Variants in ARIH1 observed in about 807,000 individuals in gnomAD.
ARIH1 encodes E3 ubiquitin-protein ligase ARIH1.
Under a neutral mutation model 85.0 loss-of-function variants are expected in ARIH1, and 8 were observed. That is an observed-to-expected ratio of 0.09 (90% CI 0.06 to 0.17). ARIH1 has a LOEUF of 0.17. Among genes scored for constraint, ARIH1 ranks in the 10% least tolerant of loss-of-function variants. The probability of loss-of-function intolerance (pLI) is 1.00; values close to 1 mark genes in which losing one functional copy is unlikely to be tolerated. For missense variants in ARIH1, 311 were observed against 718.1 expected (o/e 0.43, Z 6.48); for synonymous variants, 238 against 253.6 (o/e 0.94, Z 0.59).
rs559335617 is a variant in ARIH1, at chr15:72,584,201, T to G, written c.*909T>G. On this transcript the variant is annotated 3_prime_UTR_variant, in exon 14 of 14. Transcript: ENST00000379887. ...GCCTCATGCCTTGAATTCCTGCTCT[T>G]GATCAGGGACAAGGGAGGTCAAGCT... is the stretch of plus-strand genomic sequence containing the variant. The G allele has an allele frequency of 6.6e-6, 1 of 152,300 alleles. No homozygotes were observed. The highest frequency in any genetic ancestry group is 1.5e-5 in the Non-Finnish European group (1 of 68,046). 9.4% of individuals were successfully genotyped at this position (152,300 alleles called of 1,614,324 possible).
At chr15:72,567,073 T>G in intron 8 of ARIH1, 33 bp from the exon 9 acceptor site, 1 of 1,527,042 alleles carries the variant, frequency 6.5e-7, no homozygotes, top group Non-Finnish European at 9.0e-7. Context: ...AAAAGTCTTT[T>G]GTTGTATCCT....
chr15:72,513,415 A>G (rs1410097276), intron 1 of ARIH1, among the ~76,000 whole-genome samples: 2 of 152,084 alleles, frequency 1.3e-5, no homozygotes, highest in East Asian at 1.9e-4. Context: ...TAGCCTCTTT[A>G]TATTACAGTT....
chr15:72,582,624 G>A lies in ARIH1; in HGVS notation c.1589+437G>A, dbSNP rs2140440900. Among the ~76,000 whole-genome samples, 1 of 151,574 alleles carries A rather than the reference G, an allele frequency of 6.6e-6. No homozygotes were observed. Among genetic ancestry groups the A allele is most frequent in the African/African-American group, 2.4e-5 (1 of 41,314 alleles). On this transcript the variant is annotated intron_variant, in intron 13 of 13. Coordinates refer to ENST00000379887, the MANE Select transcript of ARIH1 (RefSeq NM_005744.5). This position sits in a 1 kb window ranked among gnomAD's most constrained non-coding sequence, Gnocchi z 4.6. ...ATTTTTTTAATCTAAGGAGATACTT[G>A]TCCTAGGAGTCGATTTTTCAAGATG...
At chr15:72,480,318 G>A (rs2063810978) in intron 1 of ARIH1, among the ~76,000 whole-genome samples, 2 of 147,368 alleles carry the variant, frequency 1.4e-5, no homozygotes, top group African/African-American at 5.1e-5. Flanking sequence ...CTGGAGTGCA[G>A]TGGCCTGATC....
intron 1 of ARIH1, among the ~76,000 whole-genome samples, chr15:72,493,097 A>G (rs1189795691): frequency 1.3e-5 from 2 of 152,186 alleles, no homozygotes; most frequent in South Asian, 4.1e-4. Flanking sequence ...AGCCACTTCC[A>G]GAAGACCTCT....
intron 2 of ARIH1, among the ~76,000 whole-genome samples, chr15:72,518,448 A>AACATTCTT (rs1248215491): frequency 6.6e-6 from 1 of 152,168 alleles, no homozygotes; most frequent in African/African-American, 2.4e-5. Context: ...AGCACCTGAT[A>AACATTCTT]ACATTCTTGG....
chr15:72,508,903 A>G (rs2063938029), intron 1 of ARIH1, among the ~76,000 whole-genome samples: 1 of 151,912 alleles, frequency 6.6e-6, no homozygotes, highest in African/African-American at 2.4e-5. Flanking sequence ...CATATTGGTC[A>G]GGCTGGTCTC....
intron 2 of ARIH1, among the ~76,000 whole-genome samples, chr15:72,537,989 T>C (rs2064090295): frequency 6.6e-6 from 1 of 152,240 alleles, no homozygotes; most frequent in South Asian, 2.1e-4. Flanking sequence ...CTCAGGCTTA[T>C]AGCAATAGCT....
intron 1 of ARIH1, among the ~76,000 whole-genome samples, chr15:72,483,242 C>T (rs2063823577): frequency 6.6e-6 from 1 of 152,178 alleles, no homozygotes; most frequent in Admixed American, 6.5e-5. Flanking sequence ...GCCAGATTTT[C>T]ACTGGCTGGT....
chr15:72,549,076 G>A (rs894034189), intron 3 of ARIH1, among the ~76,000 whole-genome samples: 12 of 150,348 alleles, frequency 8.0e-5, no homozygotes, highest in African/African-American at 3.0e-4. Context: ...CGACTACAGC[G>A]TCTCTCTCTC....
Position 72,601,642 on chromosome 15 carries a change from T to C in ARIH1, c.*18350T>C, listed in dbSNP as rs547944586. On this transcript the variant is annotated 3_prime_UTR_variant, in exon 14 of 14. Transcript: ENST00000379887. ...ATTTCCCTGTCCAAACAAGTCTAGA[T>C]TGGCTCCCCATTGTTTGTTCTAACT... 4.6e-5 allele frequency: 7 copies of C among 152,352 alleles called. No individual in the cohort carries two copies. The highest frequency in any genetic ancestry group is 2.1e-4 in the South Asian group (1 of 4,830). The allele number at this position is 152,352 out of a possible 1,614,324, so 9.4% of individuals were successfully genotyped here. A position where few individuals can be genotyped will look rare whatever the true frequency, so the allele number is the denominator to read the frequency against.
chr15:72,524,348 C>T (rs967943381), intron 2 of ARIH1, among the ~76,000 whole-genome samples: 3 of 150,062 alleles, frequency 2.0e-5, no homozygotes, highest in Admixed American at 6.7e-5. Context: ...CCGGTTCAAG[C>T]GATTACAGGC....
At chr15:72,557,737 T>G (rs923810711) in intron 5 of ARIH1, among the ~76,000 whole-genome samples, 4 of 152,196 alleles carry the variant, frequency 2.6e-5, no homozygotes, top group Admixed American at 2.6e-4. Context: ...GTGAAAGATA[T>G]AGGGGTCAAG....
chr15:72,510,824 G>A (rs189608955), intron 1 of ARIH1, among the ~76,000 whole-genome samples: 1 of 143,306 alleles, frequency 7.0e-6, no homozygotes, highest in African/African-American at 2.6e-5. Context: ...CACTTTTGCT[G>A]TATTTATGTG....
At chr15:72,488,502 C>T (rs2063846304) in intron 1 of ARIH1, among the ~76,000 whole-genome samples, 1 of 152,114 alleles carries the variant, frequency 6.6e-6, no homozygotes, top group Non-Finnish European at 1.5e-5. Flanking sequence ...TTGAATAGTG[C>T]TTCATATGGA....
chr15:72,493,886 T>G (rs2063869286), intron 1 of ARIH1, among the ~76,000 whole-genome samples: 1 of 48,254 alleles, frequency 2.1e-5, no homozygotes, highest in African/African-American at 2.7e-5. Context: ...TTTTAAATTT[T>G]TTATTGTTTG....
At position 72,591,609 on chromosome 15, in the gene ARIH1, G is replaced by T. The variant is rs2064343919; in HGVS notation, c.*8317G>T. On this transcript the variant is annotated 3_prime_UTR_variant, in exon 14 of 14. Coordinates refer to ENST00000379887, the MANE Select transcript of ARIH1 (RefSeq NM_005744.5). ...CTTCCTTTTACAGGGAGACTTCCTT[G>T]CTATGTGTACTCCCACCTCGGTATG... 2 of 152,204 alleles carry T rather than the reference G, an allele frequency of 1.3e-5. No homozygotes were observed. The highest frequency in any genetic ancestry group is 4.8e-5 in the African/African-American group (2 of 41,444). The allele number at this position is 152,204 out of a possible 1,614,324, so 9.4% of individuals were successfully genotyped here. A position where few individuals can be genotyped will look rare whatever the true frequency, so the allele number is the denominator to read the frequency against.
At chr15:72,501,654 A>G (rs1020881324) in intron 1 of ARIH1, among the ~76,000 whole-genome samples, 18 of 152,336 alleles carry the variant, frequency 1.2e-4, no homozygotes, top group Non-Finnish European at 2.1e-4. Flanking sequence ...GATACGTGGA[A>G]TGCTGATACT....
chr15:72,548,705 A>T (rs775242363), intron 3 of ARIH1, among the ~76,000 whole-genome samples: 1 of 151,982 alleles, frequency 6.6e-6, no homozygotes, highest in African/African-American at 2.4e-5. Context: ...GTCACCTGAA[A>T]CTCTTCATAA....
Sources: allele counts gnomAD v4.1 joint callset (sites outside exome capture counted in the v4.1 genomes callset), GRCh38; gene constraint gnomAD v4.1.1; non-coding constraint Gnocchi (gnomAD v3.1); transcripts MANE v1.5; gene names NCBI Gene and HGNC (gene_info 2026-07-23, HGNC 2026-07-21).